The following LRP1B variants were observed in gnomAD, a reference collection of about 807,000 sequenced individuals.
LRP1B encodes LDL receptor related protein 1B.
LRP1B carries 217 observed loss-of-function variants against 556.6 expected under a neutral mutation model. The ratio of observed to expected loss-of-function variants is 0.39; its 90% confidence interval spans 0.35 to 0.44. The LOEUF (loss-of-function observed/expected upper bound fraction) is 0.44, where lower values mean the gene tolerates loss of function less well. Among genes scored for constraint, LRP1B ranks in the 20% least tolerant of loss-of-function variants. The pLI is 1.00. For missense variants in LRP1B, 5,053 were observed against 5,620.8 expected (o/e 0.90, Z 3.23); for synonymous variants, 2,047 against 1,865.8 (o/e 1.10, Z -2.50).
intron 20 of LRP1B, among the ~76,000 whole-genome samples, chr2:140,935,759 G>A (rs957584642): frequency 6.6e-6 from 1 of 152,072 alleles, no homozygotes; most frequent in South Asian, 2.1e-4. Context: ...AAAGCGGCAA[G>A]TGAGAAGATA....
chr2:141,375,534 G>A (rs1028374132), intron 3 of LRP1B, among the ~76,000 whole-genome samples: 4 of 152,026 alleles, frequency 2.6e-5, no homozygotes, highest in African/African-American at 9.7e-5. Context: ...TCTTGGGCGG[G>A]CTACTCTCCA....
chr2:140,916,358 T>C (rs1187491136), intron 21 of LRP1B, among the ~76,000 whole-genome samples: 2 of 152,272 alleles, frequency 1.3e-5, no homozygotes, highest in Non-Finnish European at 2.9e-5. Context: ...TATTCACTGA[T>C]ACAACAATAG....
chr2:141,131,983 C>T, intron 7 of LRP1B, among the ~76,000 whole-genome samples: 1 of 151,890 alleles, frequency 6.6e-6, no homozygotes, highest in East Asian at 1.9e-4. Context: ...TATCCTTCAC[C>T]CCCTTCCCAC....
chr2:141,395,560 C>T (rs1690212045), intron 3 of LRP1B, among the ~76,000 whole-genome samples: 1 of 152,222 alleles, frequency 6.6e-6, no homozygotes, highest in South Asian at 2.1e-4. Context: ...GTATACCTGT[C>T]TTTACTTTAT....
At chr2:140,967,969 C>T (rs201273422) in intron 18 of LRP1B, among the ~76,000 whole-genome samples, 11,952 of 119,510 alleles carry the variant, frequency 0.1, 710 homozygotes, top group Middle Eastern at 0.15. Context: ...ATTTTTGCAT[C>T]AATGTTCATC....
intron 2 of LRP1B, among the ~76,000 whole-genome samples, chr2:141,492,905 C>T (rs542001413): frequency 2.0e-5 from 3 of 152,140 alleles, no homozygotes; most frequent in African/African-American, 7.2e-5. Flanking sequence ...TTATGGCATT[C>T]GAAATGACAT....
At chr2:141,999,394 A>C (rs1702593242) in intron 1 of LRP1B, among the ~76,000 whole-genome samples, 1 of 152,044 alleles carries the variant, frequency 6.6e-6, no homozygotes, top group South Asian at 2.1e-4. Context: ...CCTTATAATA[A>C]TATGTAATTA....
At chr2:140,661,049 C>T (rs940744290) in intron 41 of LRP1B, among the ~76,000 whole-genome samples, 1 of 151,778 alleles carries the variant, frequency 6.6e-6, no homozygotes, top group African/African-American at 2.4e-5. Flanking sequence ...TTATCAGAGG[C>T]CAAAGTTAAT....
intron 31 of LRP1B, among the ~76,000 whole-genome samples, chr2:140,832,925 T>C (rs1691766584): frequency 1.3e-5 from 2 of 152,190 alleles, no homozygotes; most frequent in Admixed American, 6.5e-5. Context: ...TTTGAGGCAA[T>C]GGATATCTCA....
chr2:140,292,766 T>C (rs1683443523), intron 84 of LRP1B, among the ~76,000 whole-genome samples: 1 of 152,186 alleles, frequency 6.6e-6, no homozygotes, highest in Non-Finnish European at 1.5e-5. Flanking sequence ...CCGAACATAG[T>C]GACAGGCTCA....
chr2:141,212,940 A>G (rs1682629893), intron 6 of LRP1B, among the ~76,000 whole-genome samples: 1 of 152,150 alleles, frequency 6.6e-6, no homozygotes, highest in Non-Finnish European at 1.5e-5. Context: ...AAACATCACC[A>G]AACTTCTAAA....
rs112845290 is a variant in LRP1B, at chr2:141,193,636, G to T, written c.851-5053C>A. 2.2e-3 allele frequency among the ~76,000 whole-genome samples: 339 copies of T among 151,520 alleles called. 1 individual carries two copies. The highest frequency in any genetic ancestry group is 7.2e-3 in the African/African-American group (298 of 41,340). On this transcript the variant is annotated intron_variant, in intron 6 of 90. Coordinates refer to ENST00000389484, the MANE Select transcript of LRP1B (RefSeq NM_018557.3). ...AGGAGTAGAAAAGACAACTTTTGGGGACTTGGCAATGAAATAATCTGTACA... is the reference window on the plus strand; with the variant it reads ...AGGAGTAGAAAAGACAACTTTTGGGTACTTGGCAATGAAATAATCTGTACA...
intron 6 of LRP1B, among the ~76,000 whole-genome samples, chr2:141,204,383 T>C (rs1403267775): frequency 6.6e-6 from 1 of 152,110 alleles, no homozygotes; most frequent in Non-Finnish European, 1.5e-5. Context: ...CATCTGTGAA[T>C]TGGGGAATGA....
At chr2:140,576,421 T>C (rs535334441) in intron 43 of LRP1B, among the ~76,000 whole-genome samples, 2 of 152,172 alleles carry the variant, frequency 1.3e-5, no homozygotes, top group Admixed American at 1.3e-4. Context: ...AAAAATGTTA[T>C]CAGAAAAAGG....
At chr2:141,538,784 A>C (rs900894077) in intron 2 of LRP1B, among the ~76,000 whole-genome samples, 1 of 152,114 alleles carries the variant, frequency 6.6e-6, no homozygotes, top group African/African-American at 2.4e-5. Context: ...GATTATAAGC[A>C]TGTGCTACCA....
chr2:141,448,533 G>A (rs1348534476), intron 3 of LRP1B, among the ~76,000 whole-genome samples: 1 of 152,156 alleles, frequency 6.6e-6, no homozygotes, highest in Non-Finnish European at 1.5e-5. Flanking sequence ...TGAAACCCAG[G>A]GCCTTGGTGG....
chr2:141,528,777 G>A (rs713263), intron 2 of LRP1B, among the ~76,000 whole-genome samples: 51,715 of 151,910 alleles, frequency 0.34, 9,767 homozygotes, highest in Non-Finnish European at 0.43. Context: ...TACTGCTGAA[G>A]CTAGAACAAG....
intron 15 of LRP1B, among the ~76,000 whole-genome samples, chr2:141,004,073 A>T (rs538791205): frequency 5.3e-5 from 8 of 152,212 alleles, no homozygotes; most frequent in African/African-American, 1.9e-4. Flanking sequence ...GATGTTATTG[A>T]TAAATTGAAG....
intron 31 of LRP1B, among the ~76,000 whole-genome samples, chr2:140,825,373 T>C (rs1054058584): frequency 1.3e-5 from 2 of 152,194 alleles, no homozygotes; most frequent in African/African-American, 4.8e-5. Flanking sequence ...AAGAAACTGT[T>C]CATATCACTT....
Sources: allele counts gnomAD v4.1 joint callset (sites outside exome capture counted in the v4.1 genomes callset), GRCh38; gene constraint gnomAD v4.1.1; transcripts MANE v1.5; gene names NCBI Gene and HGNC (gene_info 2026-07-23, HGNC 2026-07-21).